The following OXSR1 variants were observed in gnomAD, a reference collection of about 807,000 sequenced individuals.
The protein encoded by OXSR1 is oxidative stress responsive kinase 1.
A neutral mutation model predicts 79.8 loss-of-function variants in OXSR1; 24 were observed. The ratio of observed to expected loss-of-function variants is 0.30; its 90% CI spans 0.22 to 0.42. The LOEUF is 0.42. OXSR1 is among the 10% of genes least tolerant of loss of function. The pLI, the probability that OXSR1 is intolerant of heterozygous loss-of-function variation, is 1.00. For missense variants in OXSR1, 430 were observed against 618.4 expected, an observed-to-expected ratio of 0.70 and a Z score of 3.23; for synonymous variants, 226 against 209.2, an observed-to-expected ratio of 1.08 and a Z score of -0.69.
chr3:38,172,805 G>A (rs1701606684), intron 1 of OXSR1, among the ~76,000 whole-genome samples: 2 of 152,220 alleles, frequency 1.3e-5, no homozygotes, highest in African/African-American at 4.8e-5. Flanking sequence ...TTCTCTGCAT[G>A]TGGGGAAAAT....
At chr3:38,198,422 C>T (rs1180726913) in intron 3 of OXSR1, among the ~76,000 whole-genome samples, 4 of 152,144 alleles carry the variant, frequency 2.6e-5, no homozygotes. Flanking sequence ...TACTGACGAG[C>T]CTGGTTTACC....
At chr3:38,169,523 C>T (rs1234491986) in intron 1 of OXSR1, among the ~76,000 whole-genome samples, 1 of 152,000 alleles carries the variant, frequency 6.6e-6, no homozygotes, top group African/African-American at 2.4e-5. Context: ...GCAGGCTGGT[C>T]TCAAACTCCT....
intron 4 of OXSR1, among the ~76,000 whole-genome samples, chr3:38,212,426 AC>A (rs1211291798): frequency 2.6e-5 from 4 of 152,206 alleles, no homozygotes; most frequent in African/African-American, 9.7e-5. Flanking sequence ...TCTAAATCAG[AC>A]TTTTCTCTCT....
rs113403181 is a variant in OXSR1 at position 38,184,412 on chromosome 3, A to G, written c.183+1297A>G. On this transcript the variant is annotated intron_variant, in intron 2 of 17. Transcript: ENST00000311806. ...TTAAGATCTTGGATTGATACATACA[A>G]TAATACTTTAGAGCACCATTTGGAC... Among the ~76,000 whole-genome samples the G allele has an allele frequency of 2.5e-3, 387 of 152,328 alleles. 4 individuals carry two copies. The highest frequency in any genetic ancestry group is 7.9e-3 in the African/African-American group (328 of 41,580).
Position 38,223,869 on chromosome 3 carries a change from T to C in OXSR1, c.658T>C (p.Leu220=), listed in dbSNP as rs748063783. ...IWSFGITAIE[L]ATGAAPYHKY... ...GAGTTTTGGAATTACAGCAATTGAATTGGCTACAGGGGCGGCTCCTTATCA... is the reference window on the plus strand; with the variant it reads ...GAGTTTTGGAATTACAGCAATTGAACTGGCTACAGGGGCGGCTCCTTATCA... The change falls in exon 7 of 18, where the codon TTG becomes CTG. Residue 220 remains leucine, a synonymous_variant. Coordinates refer to ENST00000311806, the MANE Select transcript of OXSR1 (RefSeq NM_005109.3). 26 of 1,610,756 alleles carry C rather than the reference T, an allele frequency of 1.6e-5. No homozygotes were observed. The highest frequency in any genetic ancestry group is 1.7e-4 in the Middle Eastern group (1 of 6,050).
intron 4 of OXSR1, 149 bp from the exon 5 acceptor site, chr3:38,215,947 A>G: frequency 1.6e-6 from 1 of 611,180 alleles, no homozygotes; most frequent in Non-Finnish European, 2.9e-6. Flanking sequence ...AGTGACAACA[A>G]TTTTACTATT....
intron 7 of OXSR1, among the ~76,000 whole-genome samples, chr3:38,224,276 C>T (rs995328971): frequency 1.3e-5 from 2 of 152,156 alleles, no homozygotes; most frequent in African/African-American, 2.4e-5. Context: ...GCATGGCTAG[C>T]GTAATGTCCC....
chr3:38,169,721 GTTTT>G (rs973634905), intron 1 of OXSR1, among the ~76,000 whole-genome samples: 5 of 148,506 alleles, frequency 3.4e-5, no homozygotes, highest in African/African-American at 1.2e-4. Context: ...CCTGTCTGTA[GTTTT>G]TTTTTTCTTC....
At chr3:38,234,284 A>C (rs1300968702) in intron 10 of OXSR1, among the ~76,000 whole-genome samples, 1 of 152,244 alleles carries the variant, frequency 6.6e-6, no homozygotes, top group Non-Finnish European at 1.5e-5. Context: ...TTTGTGCTTC[A>C]ATAGACGCTG....
chr3:38,195,345 A>G (rs1011074217), intron 3 of OXSR1, among the ~76,000 whole-genome samples: 2 of 152,210 alleles, frequency 1.3e-5, no homozygotes, highest in African/African-American at 4.8e-5. Context: ...GATAAAATGC[A>G]TGGGGACTTC....
At chr3:38,204,753 G>T (rs997762222) in intron 4 of OXSR1, among the ~76,000 whole-genome samples, 1 of 151,580 alleles carries the variant, frequency 6.6e-6, no homozygotes, top group African/African-American at 2.4e-5. Flanking sequence ...ATCTCTCCCA[G>T]AGCTGCAAGC....
At chr3:38,209,203 C>G (rs1702334970) in intron 4 of OXSR1, among the ~76,000 whole-genome samples, 1 of 151,572 alleles carries the variant, frequency 6.6e-6, no homozygotes, top group African/African-American at 2.4e-5. Flanking sequence ...TTGTGTCTTT[C>G]TTTTTCAGCC....
intron 1 of OXSR1, among the ~76,000 whole-genome samples, chr3:38,171,634 A>C (rs993905686): frequency 5.3e-5 from 8 of 151,362 alleles, no homozygotes; most frequent in African/African-American, 1.9e-4. Context: ...TTAGGAACAT[A>C]TTAAAAGCCT....
intron 4 of OXSR1, among the ~76,000 whole-genome samples, chr3:38,200,023 A>G (rs1702134641): frequency 2.0e-5 from 3 of 152,108 alleles, no homozygotes; most frequent in African/African-American, 7.2e-5. Flanking sequence ...TGCTGGGTGG[A>G]GGGCTAAGAG....
At chr3:38,186,054 G>A (rs1701880083) in intron 2 of OXSR1, among the ~76,000 whole-genome samples, 1 of 151,876 alleles carries the variant, frequency 6.6e-6, no homozygotes, top group Admixed American at 6.6e-5. Flanking sequence ...TTGTGGCCTG[G>A]GCCACCAGGG....
intron 10 of OXSR1, among the ~76,000 whole-genome samples, chr3:38,233,746 T>C (rs1272965402): frequency 4.0e-5 from 6 of 151,596 alleles, no homozygotes; most frequent in African/African-American, 1.2e-4. Flanking sequence ...AGACCCAGAC[T>C]CTACCAAAAA....
rs566012102 is a variant in OXSR1 at position 38,250,268 on chromosome 3, A to G, written c.1375+250A>G. On this transcript the variant is annotated intron_variant, in intron 15 of 17. Coordinates refer to ENST00000311806, the MANE Select transcript of OXSR1 (RefSeq NM_005109.3). ...CTTTACAGCTTACTATAGGCCAGGC[A>G]TTGTCTTAAGCGTTATCTTATTAAA... The G allele has an allele frequency of 7.3e-6, 3 of 412,798 alleles. No homozygotes were observed. The Admixed American group carries it at 1.3e-4, about 18-fold the overall frequency. The allele number at this position is 412,798 out of a possible 1,614,324, so 25.6% of individuals were successfully genotyped here. A position where few individuals can be genotyped will look rare whatever the true frequency, so the allele number is the denominator to read the frequency against.
At chr3:38,213,622 T>A (rs974326543) in intron 4 of OXSR1, among the ~76,000 whole-genome samples, 2 of 152,212 alleles carry the variant, frequency 1.3e-5, no homozygotes, top group African/African-American at 4.8e-5. Flanking sequence ...TGAACTAATA[T>A]AAGATGTTAA....
At chr3:38,175,103 G>A (rs1417014758) in intron 1 of OXSR1, among the ~76,000 whole-genome samples, 1 of 152,136 alleles carries the variant, frequency 6.6e-6, no homozygotes, top group Non-Finnish European at 1.5e-5. Context: ...CAATACTTTA[G>A]TCATCTTTCA....
Sources: gnomAD v4.1 joint callset for allele counts (sites outside exome capture counted in the v4.1 genomes callset) on GRCh38, gnomAD v4.1.1 for gene constraint, MANE v1.5 for transcripts, NCBI Gene and HGNC (gene_info 2026-07-23, HGNC 2026-07-21) for gene names.